The following RELN variants were observed in gnomAD, a reference collection of about 807,000 sequenced individuals.
The protein encoded by RELN is reelin.
A neutral mutation model predicts 427.6 loss-of-function variants in RELN; 108 were observed. The observed-to-expected ratio is 0.25, with a 90% CI of 0.22 to 0.30. The LOEUF (loss-of-function observed/expected upper bound fraction) is 0.30, where lower values mean the gene tolerates loss of function less well. Among genes scored for constraint, RELN ranks in the 10% least tolerant of loss-of-function variants. RELN has a pLI of 1.00. For synonymous variants in RELN, 1,524 were observed against 1,513.4 expected (o/e 1.01, Z -0.16); for missense variants, 3,715 against 4,302.8 (o/e 0.86, Z 3.82).
At chr7:103,673,397 T>C (rs1196856056) in intron 11 of RELN, among the ~76,000 whole-genome samples, 2 of 152,182 alleles carry the variant, frequency 1.3e-5, no homozygotes, top group Admixed American at 1.3e-4. Flanking sequence ...CAGTATTTTA[T>C]TTCCTTTTTC....
At chr7:103,737,748 G>A (rs910676826) in intron 6 of RELN, among the ~76,000 whole-genome samples, 1 of 152,152 alleles carries the variant, frequency 6.6e-6, no homozygotes, top group African/African-American at 2.4e-5. Flanking sequence ...CAGAGTCTGT[G>A]ATCGCTATTT....
chr7:103,841,746 C>T (rs1013203395), intron 2 of RELN, among the ~76,000 whole-genome samples: 3 of 152,150 alleles, frequency 2.0e-5, no homozygotes, highest in Non-Finnish European at 4.4e-5. Flanking sequence ...ATGTAGGCTA[C>T]TCGCTTCCAA....
chr7:103,555,843 A>T (rs2117164819), intron 38 of RELN, among the ~76,000 whole-genome samples: 1 of 152,318 alleles, frequency 6.6e-6, no homozygotes, highest in East Asian at 1.9e-4. Flanking sequence ...TACATTAAAA[A>T]TTTTGTTTTA....
chr7:103,727,488 T>G (rs1474912745), intron 7 of RELN, among the ~76,000 whole-genome samples: 2 of 152,194 alleles, frequency 1.3e-5, no homozygotes, highest in Non-Finnish European at 2.9e-5. Flanking sequence ...CACATGCTGA[T>G]GGCTAGTAGT....
At chr7:103,986,751 A>G (rs1797106806) in intron 1 of RELN, among the ~76,000 whole-genome samples, 1 of 152,072 alleles carries the variant, frequency 6.6e-6, no homozygotes, top group South Asian at 2.1e-4. Flanking sequence ...TAACTGTTAC[A>G]CTTTAAAGAT....
chr7:103,827,304 G>A (rs1018851559), intron 3 of RELN, among the ~76,000 whole-genome samples: 1 of 151,898 alleles, frequency 6.6e-6, no homozygotes, highest in South Asian at 2.1e-4. Flanking sequence ...AACCTGTGCT[G>A]TTTATACCAT....
At chr7:103,729,096 C>A (rs1309344756) in intron 6 of RELN, among the ~76,000 whole-genome samples, 1 of 152,108 alleles carries the variant, frequency 6.6e-6, no homozygotes, top group Non-Finnish European at 1.5e-5. Context: ...GACATTTCAA[C>A]CTACAATCAT....
chr7:103,925,208 A>T lies in RELN; in HGVS notation c.227-8023T>A, dbSNP rs143771753. ...AGACTGTCCAATCTAGCCTAAATAA[A>T]AATTCCTAAATAGTAATAGTAATGA... On this transcript the variant is annotated intron_variant, in intron 1 of 64. Transcript: ENST00000428762. 7.9e-5 allele frequency among the ~76,000 whole-genome samples: 12 copies of T among 152,256 alleles called. No homozygotes were observed. In the East Asian group the frequency reaches 2.3e-3, roughly 29 times the overall value.
chr7:103,888,375 G>C (rs947677431), intron 2 of RELN, among the ~76,000 whole-genome samples: 1 of 152,052 alleles, frequency 6.6e-6, no homozygotes, highest in Admixed American at 6.6e-5. Context: ...AACTTTATTA[G>C]CCTCTTCCCA....
chr7:103,491,856 T>TCTCTCTCACA (rs57217576), intron 58 of RELN, 97 bp downstream of exon 58: 129 of 288,610 alleles, frequency 4.5e-4, no homozygotes, highest in African/African-American at 1.5e-3. Flanking sequence ...TCTCTCTCTC[T>TCTCTCTCACA]CACACACACA....
intron 51 of RELN, among the ~76,000 whole-genome samples, chr7:103,506,716 ACC>A (rs1487839509): frequency 6.6e-6 from 1 of 152,212 alleles, no homozygotes; most frequent in Non-Finnish European, 1.5e-5. Context: ...AACAATATTA[ACC>A]TTAAATGTAA....
At chr7:103,978,780 T>C (rs1444564694) in intron 1 of RELN, among the ~76,000 whole-genome samples, 2 of 152,244 alleles carry the variant, frequency 1.3e-5, no homozygotes, top group Non-Finnish European at 2.9e-5. Context: ...TTGACATGTC[T>C]GCCTCAGTTT....
rs940674080 is a variant in RELN at position 103,942,585 on chromosome 7, G to C, written c.227-25400C>G. Among the ~76,000 whole-genome samples, 89 of 152,154 alleles carry C rather than the reference G, an allele frequency of 5.8e-4. 1 individual carries two copies. Among genetic ancestry groups the C allele is most frequent in the African/African-American group, 2.1e-3 (89 of 41,432 alleles). On this transcript the variant is annotated intron_variant, in intron 1 of 64. Coordinates refer to ENST00000428762, the MANE Select transcript of RELN (RefSeq NM_005045.4). ...GGCAGAATGTGGGAATGGAAGAGAGGAAGACCCAGGGAAGATGGATGTTTA... is the reference window on the plus strand; with the variant it reads ...GGCAGAATGTGGGAATGGAAGAGAGCAAGACCCAGGGAAGATGGATGTTTA...
intron 28 of RELN, among the ~76,000 whole-genome samples, chr7:103,581,741 G>A (rs1463944749): frequency 6.6e-6 from 1 of 152,022 alleles, no homozygotes; most frequent in African/African-American, 2.4e-5. Context: ...AAAGGATGTG[G>A]CAAATGAGAT....
At chr7:103,526,444 T>C (rs1171958210) in intron 46 of RELN, among the ~76,000 whole-genome samples, 1 of 152,142 alleles carries the variant, frequency 6.6e-6, no homozygotes, top group Non-Finnish European at 1.5e-5. Context: ...TAACTAAACA[T>C]GTATAATAAG....
intron 30 of RELN, 75 bp from the exon 31 acceptor site, chr7:103,572,335 T>A: frequency 2.4e-6 from 2 of 826,550 alleles, no homozygotes; most frequent in Non-Finnish European, 4.2e-6. Context: ...TTTGACACAT[T>A]AGAAAAAAAC....
intron 19 of RELN, among the ~76,000 whole-genome samples, chr7:103,633,922 A>G (rs1309290423): frequency 4.6e-5 from 7 of 152,210 alleles, no homozygotes; most frequent in African/African-American, 1.4e-4. Flanking sequence ...TCAGTAAGAA[A>G]GTTGAGTTTA....
chr7:103,717,762 C>T (rs1235837309), intron 8 of RELN, among the ~76,000 whole-genome samples: 1 of 151,936 alleles, frequency 6.6e-6, no homozygotes, highest in Non-Finnish European at 1.5e-5. Flanking sequence ...AGGTCTTACT[C>T]ACCAGGGAGA....
At chr7:103,867,166 TAACTA>T (rs1794219666) in intron 2 of RELN, among the ~76,000 whole-genome samples, 1 of 152,114 alleles carries the variant, frequency 6.6e-6, no homozygotes, top group Admixed American at 6.6e-5. Context: ...TGAAGCAATT[TAACTA>T]AACATTTCTG....
Sources: allele counts gnomAD v4.1 joint callset (sites outside exome capture counted in the v4.1 genomes callset), GRCh38; gene constraint gnomAD v4.1.1; transcripts MANE v1.5; gene names NCBI Gene and HGNC (gene_info 2026-07-23, HGNC 2026-07-21).